Variants in SMG1 observed in about 807,000 individuals in gnomAD.
SMG1 encodes the protein serine/threonine-protein kinase SMG1.
In SMG1, 22 loss-of-function variants were observed where a neutral mutation model predicts 419.9. The ratio of observed to expected loss-of-function variants is 0.05; its 90% CI spans 0.04 to 0.07. The LOEUF is 0.07. SMG1 is among the 10% of genes least tolerant of loss of function. The probability of loss-of-function intolerance (pLI) is 1.00; values close to 1 mark genes in which losing one functional copy is unlikely to be tolerated. For synonymous variants in SMG1, 1,538 were observed against 1,553.5 expected, an observed-to-expected ratio of 0.99 and a Z score of 0.23; for missense variants, 3,185 against 4,342.0, an observed-to-expected ratio of 0.73 and a Z score of 7.49.
Position 18,858,263 on chromosome 16 carries a change from C to T in SMG1, c.4141G>A (p.Ala1381Thr). 1.2e-6 allele frequency: 2 copies of T among 1,608,406 alleles called. No individual in the cohort carries two copies. The highest frequency in any genetic ancestry group is 1.3e-5 in the African/African-American group (1 of 74,714). The change falls in exon 29 of 63, where the codon GCT (alanine) becomes ACT (threonine). Residue 1381 changes from alanine to threonine, a missense_variant. Coordinates refer to ENST00000446231, the MANE Select transcript of SMG1 (RefSeq NM_015092.5). ...EDCLIPLFSE[A>T]LRSCKQHDVR... is the part of the protein sequence containing the mutation. ...TCATGCTGTTTACATGAACGTAAAGCTTCACTGAAGAGTGGAATAAGACAG... is the reference window on the plus strand; with the variant it reads ...TCATGCTGTTTACATGAACGTAAAGTTTCACTGAAGAGTGGAATAAGACAG...
intron 6 of SMG1, among the ~76,000 whole-genome samples, chr16:18,889,043 C>A (rs1170123682): frequency 2.0e-5 from 3 of 150,700 alleles, no homozygotes; most frequent in African/African-American, 7.4e-5. Flanking sequence ...CCAGGATGGT[C>A]TCGATCTCCT....
intron 3 of SMG1, among the ~76,000 whole-genome samples, chr16:18,893,218 G>A (rs2141826714): frequency 6.6e-6 from 1 of 152,286 alleles, no homozygotes; most frequent in Middle Eastern, 3.4e-3. Flanking sequence ...CACATGCAAG[G>A]CATGCCTCCA....
intron 1 of SMG1, among the ~76,000 whole-genome samples, chr16:18,916,952 A>G (rs545564325): frequency 6.6e-5 from 10 of 152,182 alleles, no homozygotes; most frequent in Non-Finnish European, 1.5e-4. Context: ...AATGTTCCCA[A>G]AAGACACCAT....
At chr16:18,851,249 C>T (rs2034573441) in intron 33 of SMG1, among the ~76,000 whole-genome samples, 1 of 152,174 alleles carries the variant, frequency 6.6e-6, no homozygotes. Flanking sequence ...AAAATCCATG[C>T]CTTTGAGGAC....
chr16:18,862,905 G>A (rs924536861), intron 25 of SMG1, among the ~76,000 whole-genome samples: 1 of 152,190 alleles, frequency 6.6e-6, no homozygotes, highest in Non-Finnish European at 1.5e-5. Flanking sequence ...AGGGCATCCT[G>A]ATGGGCATGC....
chr16:18,812,351 T>A (rs982258305), intron 60 of SMG1, among the ~76,000 whole-genome samples: 5 of 152,050 alleles, frequency 3.3e-5, no homozygotes, highest in African/African-American at 9.7e-5. Flanking sequence ...GCTTGTGGCA[T>A]CAAAAACCAT....
intron 45 of SMG1, 39 bp downstream of exon 45, chr16:18,837,975 A>G: frequency 6.3e-7 from 1 of 1,594,476 alleles, no homozygotes; most frequent in African/African-American, 1.3e-5. Context: ...CTCTATTAAT[A>G]AAAAGAAGAC....
At chr16:18,897,816 C>T (rs1049522137) in intron 1 of SMG1, among the ~76,000 whole-genome samples, 2 of 149,332 alleles carry the variant, frequency 1.3e-5, no homozygotes, top group African/African-American at 4.9e-5. Context: ...AGAAAGAAGA[C>T]AACAAAATAA....
intron 5 of SMG1, 114 bp from the exon 6 acceptor site, chr16:18,889,699 T>C (rs2036793119): frequency 1.6e-6 from 1 of 606,206 alleles, no homozygotes; most frequent in Non-Finnish European, 2.9e-6. Context: ...TAAATTTCTA[T>C]TCAAACTACA....
At chr16:18,847,402 T>C (rs1567359411) in intron 38 of SMG1, 51 bp downstream of exon 38, 1 of 1,597,896 alleles carries the variant, frequency 6.3e-7, no homozygotes, top group East Asian at 2.2e-5. Context: ...ATTTATACTT[T>C]GAAACAAAGT....
At chr16:18,864,354 C>T (rs1342797634) in intron 23 of SMG1, among the ~76,000 whole-genome samples, 1 of 151,938 alleles carries the variant, frequency 6.6e-6, no homozygotes, top group Non-Finnish European at 1.5e-5. Flanking sequence ...CGCCACCATG[C>T]CCGGCTAATT....
intron 55 of SMG1, 114 bp downstream of exon 55, chr16:18,827,917 C>T: frequency 9.9e-7 from 1 of 1,007,290 alleles, no homozygotes; most frequent in South Asian, 2.9e-5. Flanking sequence ...GCTCTTCTGG[C>T]TTACAAGCCA....
intron 60 of SMG1, among the ~76,000 whole-genome samples, chr16:18,812,635 TATATACACATATACAC>T (rs2031556997): frequency 7.0e-6 from 1 of 143,820 alleles, no homozygotes; most frequent in South Asian, 2.2e-4. Context: ...TATACACATA[TATATACACATATACAC>T]ACACACACAC....
chr16:18,854,145 A>G (rs985059974), intron 30 of SMG1, among the ~76,000 whole-genome samples: 1 of 130,272 alleles, frequency 7.7e-6, no homozygotes, highest in Non-Finnish European at 1.5e-5. Context: ...GGAGTGCAGT[A>G]GCACAATCAG....
In SMG1 at chr16:18,811,999, T is replaced by C. The variant is rs1189618558; in HGVS notation, c.10750A>G (p.Ser3584Gly). ...GCCTTTTTAGGACTACAAGCAACAC[T>C]CTTGCCAGTTCCTGGAACGGTGCTT... ...PPSTVPGTGK[S>G]VACSPKKAVR... The change falls in exon 61 of 63, where the codon AGT (serine) becomes GGT (glycine). Residue 3584 changes from serine (S) to glycine (G), a missense_variant. By Grantham distance (56) the Ser-to-Gly change is moderately conservative (BLOSUM62 0). Coordinates refer to ENST00000446231, the MANE Select transcript of SMG1 (RefSeq NM_015092.5). The C allele has an allele frequency of 2.5e-6, 4 of 1,614,042 alleles. No homozygotes were observed. Among genetic ancestry groups the C allele is most frequent in the Non-Finnish European group, 3.4e-6 (4 of 1,179,896 alleles).
intron 1 of SMG1, 149 bp downstream of exon 1, chr16:18,925,801 C>G (rs1019382851): frequency 1.9e-6 from 1 of 538,876 alleles, no homozygotes; most frequent in Admixed American, 4.4e-5. Context: ...CTTCCTCCCC[C>G]AGCCGGGGCG....
chr16:18,839,435 C>T (rs1208560828), intron 42 of SMG1, among the ~76,000 whole-genome samples: 1 of 152,136 alleles, frequency 6.6e-6, no homozygotes, highest in African/African-American at 2.4e-5. Context: ...TAAGTGAGAA[C>T]ATGCGGTATT....
At chr16:18,866,286 A>G (rs908696003) in intron 23 of SMG1, 1 of 352,212 alleles carries the variant, frequency 2.8e-6, no homozygotes, top group African/African-American at 2.1e-5. Context: ...CACAGGACTA[A>G]TGAGCAAATA....
Position 18,859,050 on chromosome 16 carries a change from T to C in SMG1, c.4085A>G (p.Asn1362Ser). 9.1e-6 allele frequency: 14 copies of C among 1,534,208 alleles called. No homozygotes were observed. Among genetic ancestry groups the C allele is most frequent in the Non-Finnish European group, 1.2e-5 (14 of 1,146,490 alleles). The change falls in exon 28 of 63, where the codon AAC (asparagine) becomes AGC (serine). Residue 1362 changes from asparagine to serine, a missense_variant. By Grantham distance (46) the Asn-to-Ser change is conservative. Around this residue, in one of 27 missense-constraint regions of SMG1, gnomAD observed 493 missense variants for 552.9 expected, o/e 0.89. Coordinates refer to ENST00000446231, the MANE Select transcript of SMG1 (RefSeq NM_015092.5). ...TGTTGAAAGTCTGTTAGAAACTGTG[T>C]TCTCCAAAGCAGATGAGCAATACAG... ...LQLYCSSALE[N>S]TVSNRLSTED...
Sources: gnomAD v4.1 joint callset for allele counts (sites outside exome capture counted in the v4.1 genomes callset) on GRCh38, gnomAD v4.1.1 for gene constraint, gnomAD v4.1.1 regional missense constraint, MANE v1.5 for transcripts, NCBI Gene and HGNC (gene_info 2026-07-23, HGNC 2026-07-21) for gene names.